Variants in CCDC178 observed in about 807,000 individuals in gnomAD.
CCDC178 encodes coiled-coil domain containing 178.
A neutral mutation model predicts 117.4 loss-of-function variants in CCDC178; 126 were observed. That is an observed-to-expected ratio of 1.07 (90% CI 0.93 to 1.24). The LOEUF is 1.24. Among genes scored for constraint, CCDC178 ranks in the 50% most tolerant of loss-of-function variants. CCDC178 has a pLI of 0.00. For synonymous variants in CCDC178, 283 were observed against 313.4 expected (o/e 0.90, Z 1.02); for missense variants, 1,030 against 986.9 (o/e 1.04, Z -0.59).
chr18:33,074,037 G>A (rs903636532), intron 21 of CCDC178, among the ~76,000 whole-genome samples: 1 of 152,098 alleles, frequency 6.6e-6, no homozygotes, highest in African/African-American at 2.4e-5. Context: ...TCAAAAAGTA[G>A]CTGGAGCACA....
intron 20 of CCDC178, among the ~76,000 whole-genome samples, chr18:33,119,248 G>C (rs961543798): frequency 1.3e-5 from 2 of 152,142 alleles, no homozygotes; most frequent in Non-Finnish European, 2.9e-5. Context: ...AGAGTGAACA[G>C]GCAACCCACA....
intron 12 of CCDC178, among the ~76,000 whole-genome samples, chr18:33,278,643 A>T (rs2059982917): frequency 6.6e-6 from 1 of 152,130 alleles, no homozygotes; most frequent in South Asian, 2.1e-4. Context: ...ACCTTCTAGC[A>T]TTTATCCTTT....
At chr18:33,296,421 G>A (rs949092869) in intron 11 of CCDC178, among the ~76,000 whole-genome samples, 5 of 151,622 alleles carry the variant, frequency 3.3e-5, no homozygotes, top group African/African-American at 1.2e-4. Context: ...ATGAAAATAT[G>A]TAAAAAATCA....
chr18:33,073,012 C>T lies in CCDC178; in HGVS notation c.2388+19749G>A, dbSNP rs186152645. Among the ~76,000 whole-genome samples, 121 of 152,180 alleles carry T rather than the reference C, an allele frequency of 8.0e-4. 1 individual carries two copies. Among genetic ancestry groups the T allele is most frequent in the Non-Finnish European group, 1.3e-3 (89 of 67,992 alleles). ...TGTGTCTGACTTGGATTTTTCTAGA[C>T]TTTTTACTTGTGGGTATCCAACATT... On this transcript the variant is annotated intron_variant, in intron 21 of 22. Transcript: ENST00000383096.
In CCDC178 at chr18:33,385,160, A is replaced by T. The variant is rs1311125971; in HGVS notation, c.208+4380T>A. ...TTAAAGGGTTCAATTCAACAAGAAG[A>T]GCTGACTATCCTAAATATATGTGTA... On this transcript the variant is annotated intron_variant, in intron 5 of 22. Transcript: ENST00000383096. 3.9e-5 allele frequency among the ~76,000 whole-genome samples: 6 copies of T among 152,244 alleles called. No homozygotes were observed. In the South Asian group the frequency reaches 1.0e-3, roughly 26 times the overall value.
intron 22 of CCDC178, among the ~76,000 whole-genome samples, chr18:32,955,506 T>C (rs565504259): frequency 1.2e-4 from 18 of 152,314 alleles, no homozygotes; most frequent in Admixed American, 5.2e-4. Flanking sequence ...TATCATAGAC[T>C]AGAATTTTTT....
intron 21 of CCDC178, among the ~76,000 whole-genome samples, chr18:33,087,909 T>C (rs939210277): frequency 1.3e-5 from 2 of 152,108 alleles, no homozygotes; most frequent in African/African-American, 4.8e-5. Context: ...ACAAAGTGAG[T>C]ATTAAAGAAA....
intron 21 of CCDC178, among the ~76,000 whole-genome samples, chr18:33,066,150 C>T (rs537526048): frequency 8.5e-5 from 13 of 152,180 alleles, no homozygotes; most frequent in Middle Eastern, 3.4e-3. Context: ...CATGAGCCAC[C>T]GCGCCTGGCC....
intron 7 of CCDC178, among the ~76,000 whole-genome samples, chr18:33,353,536 CTT>C (rs764028700): frequency 1.3e-5 from 2 of 151,934 alleles, no homozygotes; most frequent in Non-Finnish European, 2.9e-5. Context: ...TAGTTTCCCT[CTT>C]TGTTTTCCTG....
chr18:33,284,755 T>C (rs375113392), intron 12 of CCDC178, among the ~76,000 whole-genome samples: 2 of 152,336 alleles, frequency 1.3e-5, no homozygotes, highest in East Asian at 3.9e-4. Flanking sequence ...CAGGATTCAT[T>C]AATAGCAATT....
intron 22 of CCDC178, among the ~76,000 whole-genome samples, chr18:32,967,705 A>G (rs1028523201): frequency 5.9e-5 from 9 of 151,574 alleles, no homozygotes; most frequent in Non-Finnish European, 1.2e-4. Flanking sequence ...ATTTTGAATT[A>G]TCTAATTTTT....
chr18:33,393,233 A>G (rs1316179787), intron 4 of CCDC178, among the ~76,000 whole-genome samples: 3 of 152,130 alleles, frequency 2.0e-5, no homozygotes, highest in Non-Finnish European at 2.9e-5. Flanking sequence ...GCTTTAACAT[A>G]TATTCTATCT....
At chr18:33,069,653 C>G (rs953227047) in intron 21 of CCDC178, among the ~76,000 whole-genome samples, 3 of 151,788 alleles carry the variant, frequency 2.0e-5, no homozygotes, top group African/African-American at 7.3e-5. Flanking sequence ...GTACAGGCAA[C>G]AAAAACAAAA....
rs1467683223 is a variant in CCDC178 at position 33,224,905 on chromosome 18, G to A, written c.1688C>T (p.Ala563Val). 1 of 1,532,888 alleles carries A rather than the reference G, an allele frequency of 6.5e-7. No individual in the cohort carries two copies. 95.0% of individuals were successfully genotyped at this position (1,532,888 alleles called of 1,614,324 possible). The part of the protein sequence containing the change: ...KKLYSIYEVQ[A>V]LERKELIKNR... ...TTTTATAAGCTCTTTCCGCTCAAGT[G>A]CCTGGACTTCGTAAATGGAATATAG... The change falls in exon 17 of 23, where the codon GCA becomes GTA. Residue 563 changes from alanine (A) to valine (V), a missense_variant. Physicochemically the swap from Ala to Val is moderately conservative, Grantham distance 64. Coordinates refer to ENST00000383096, the MANE Select transcript of CCDC178 (RefSeq NM_001105528.4).
chr18:33,336,864 C>T (rs2062747234), intron 9 of CCDC178, among the ~76,000 whole-genome samples: 1 of 148,676 alleles, frequency 6.7e-6, no homozygotes, highest in Admixed American at 6.7e-5. Flanking sequence ...CTTAGTCTTG[C>T]TTTGGCTATG....
intron 20 of CCDC178, among the ~76,000 whole-genome samples, chr18:33,187,708 T>C (rs1239506482): frequency 1.3e-5 from 2 of 152,134 alleles, no homozygotes; most frequent in African/African-American, 4.8e-5. Context: ...ATTCATACGA[T>C]TGCACTAATG....
intron 22 of CCDC178, among the ~76,000 whole-genome samples, chr18:32,960,870 A>G (rs541448457): frequency 6.6e-6 from 1 of 152,260 alleles, no homozygotes; most frequent in Non-Finnish European, 1.5e-5. Context: ...ACAAGTGTGC[A>G]ATTTAATTTT....
At chr18:33,004,319 C>A (rs2055706330) in intron 21 of CCDC178, among the ~76,000 whole-genome samples, 1 of 151,972 alleles carries the variant, frequency 6.6e-6, no homozygotes, top group Non-Finnish European at 1.5e-5. Flanking sequence ...ATAGAGAATC[C>A]AGAAACAAAT....
At chr18:33,204,780 A>T (rs2059030155) in intron 20 of CCDC178, among the ~76,000 whole-genome samples, 1 of 152,176 alleles carries the variant, frequency 6.6e-6, no homozygotes, top group South Asian at 2.1e-4. Flanking sequence ...AAATCCATTT[A>T]CTATGTAGAA....
Sources: gnomAD v4.1 joint callset for allele counts (sites outside exome capture counted in the v4.1 genomes callset) on GRCh38, gnomAD v4.1.1 for gene constraint, MANE v1.5 for transcripts, NCBI Gene and HGNC (gene_info 2026-07-23, HGNC 2026-07-21) for gene names.